The following CARS1 variants were observed in gnomAD, a reference collection of about 807,000 sequenced individuals.
CARS1 encodes cysteine--tRNA ligase, cytoplasmic.
Under a neutral mutation model 106.2 loss-of-function variants are expected in CARS1, and 48 were observed. The observed-to-expected ratio is 0.45, with a 90% CI of 0.36 to 0.57. CARS1 has a LOEUF of 0.57. Ranked by LOEUF, CARS1 falls within the 20% of genes least tolerant of loss-of-function variation. The probability of loss-of-function intolerance (pLI) is 0.00; values close to 1 mark genes in which losing one functional copy is unlikely to be tolerated. For synonymous variants in CARS1, 409 were observed against 403.4 expected (o/e 1.01, Z -0.17); for missense variants, 968 against 1,057.2 (o/e 0.92, Z 1.17).
intron 18 of CARS1, chr11:3,007,235 A>G (rs1454870274): frequency 1.6e-5 from 8 of 503,614 alleles, no homozygotes; most frequent in Non-Finnish European, 2.8e-5. Context: ...GCCAGGAGGA[A>G]GCATAGCACA....
At chr11:3,024,584 A>C (rs1408688979) in intron 10 of CARS1, among the ~76,000 whole-genome samples, 1 of 152,150 alleles carries the variant, frequency 6.6e-6, no homozygotes, top group Non-Finnish European at 1.5e-5. Context: ...AGTAGCTGGG[A>C]CTATAGGCAC....
In CARS1 at chr11:3,034,146, G is replaced by T. The variant is rs1853255920; in HGVS notation, c.801+3904C>A. Reference sequence around the variant, plus strand: ...CACAAACACATGCCAACATGTAACAGAGATGAATTCGTGTCTTAGTCTGTT... The same window carrying T: ...CACAAACACATGCCAACATGTAACATAGATGAATTCGTGTCTTAGTCTGTT... On this transcript the variant is annotated intron_variant, in intron 7 of 22. Transcript: ENST00000380525. This position sits in a 1 kb window ranked among gnomAD's most constrained non-coding sequence, Gnocchi z 6.3. Among the ~76,000 whole-genome samples, 1 of 152,116 alleles carries T rather than the reference G, an allele frequency of 6.6e-6. No individual in the cohort carries two copies. Among genetic ancestry groups the T allele is most frequent in the African/African-American group, 2.4e-5 (1 of 41,426 alleles).
intron 21 of CARS1, 152 bp downstream of exon 21, chr11:3,002,389 G>T: frequency 7.0e-7 from 1 of 1,423,290 alleles, no homozygotes; most frequent in Middle Eastern, 2.6e-4. Context: ...GGCCTGGCAG[G>T]CCTTGGGTGG....
intron 10 of CARS1, among the ~76,000 whole-genome samples, chr11:3,025,472 C>T (rs1043594596): frequency 2.6e-5 from 4 of 152,248 alleles, no homozygotes; most frequent in Admixed American, 1.3e-4. Context: ...AGGTGATCCA[C>T]CCACCTCGGC....
chr11:3,006,966 G>C lies in CARS1; in HGVS notation c.2069-7C>G, dbSNP rs114293463. 6.5e-4 allele frequency: 1,040 copies of C among 1,612,376 alleles called. 8 individuals carry two copies. In the African/African-American group the frequency reaches 0.013, roughly 20 times the overall value. On this transcript the variant is annotated splice_region_variant and splice_polypyrimidine_tract_variant and intron_variant, in intron 18 of 22. Transcript: ENST00000380525. ...AGCTGCAGAATCTCAGGGACTGTAG[G>C]AGAAGCAGAGCAGTTCCCTCAGACA...
Position 3,040,688 on chromosome 11 carries a change from T to C in CARS1, c.455+208A>G. On this transcript the variant is annotated intron_variant, in intron 4 of 22. Transcript: ENST00000380525. The surrounding 1 kb of genome is among the most constrained non-coding windows in gnomAD (Gnocchi z 5.8). ...ACATTTTCTTTTTGGTGATCTGTAG[T>C]CTTTCTGCAGTGAATATAGATTACT... 1 of 698,258 alleles carries C rather than the reference T, an allele frequency of 1.4e-6. No homozygotes were observed. 43.3% of individuals were successfully genotyped at this position (698,258 alleles called of 1,614,324 possible). A position where few individuals can be genotyped will look rare whatever the true frequency, so the allele number is the denominator to read the frequency against.
At chr11:3,007,462 G>A (rs1849998513) in intron 18 of CARS1, 1 of 154,764 alleles carries the variant, frequency 6.5e-6, no homozygotes, top group Non-Finnish European at 1.4e-5. Flanking sequence ...ACTGCGATGG[G>A]GGTCCTGACC....
intron 9 of CARS1, chr11:3,027,827 CG>C (rs1852259693): frequency 2.2e-6 from 1 of 454,648 alleles, no homozygotes. Context: ...CTAGCGGTAG[CG>C]TAAGTGTCAA....
At chr11:3,023,969 T>A (rs567289102) in intron 10 of CARS1, among the ~76,000 whole-genome samples, 2 of 152,338 alleles carry the variant, frequency 1.3e-5, no homozygotes, top group East Asian at 3.9e-4. Context: ...CTCAGCTCAC[T>A]GCAACCTCCG....
At chr11:3,013,788 G>A (rs1157204670) in intron 17 of CARS1, among the ~76,000 whole-genome samples, 1 of 152,160 alleles carries the variant, frequency 6.6e-6, no homozygotes, top group African/African-American at 2.4e-5. Flanking sequence ...GGGAGGCAGA[G>A]GGTGCAGTGA....
Position 3,036,721 on chromosome 11 carries a change from A to T in CARS1, c.801+1329T>A, listed in dbSNP as rs147163776. 1.5e-3 allele frequency among the ~76,000 whole-genome samples: 230 copies of T among 152,330 alleles called. 4 individuals carry two copies. The East Asian group carries it at 0.037, about 24-fold the overall frequency. The stretch of plus-strand genomic sequence containing the variant: ...CAGGAACCCAAACAGATATTTGTAC[A>T]CCCAGGTTTATAGCAGCATTACTTG... On this transcript the variant is annotated intron_variant, in intron 7 of 22. Coordinates refer to ENST00000380525, the MANE Select transcript of CARS1 (RefSeq NM_001014437.3).
rs1281379894 is a variant in CARS1, at chr11:3,052,426, A to G, written c.26-4425T>C. Among the ~76,000 whole-genome samples the G allele has an allele frequency of 6.6e-6, 1 of 152,338 alleles. No individual in the cohort carries two copies. Among genetic ancestry groups the G allele is most frequent in the Non-Finnish European group, 1.5e-5 (1 of 68,028 alleles). On this transcript the variant is annotated intron_variant, in intron 1 of 22. Transcript: ENST00000380525. The surrounding 1 kb of genome is among the most constrained non-coding windows in gnomAD (Gnocchi z 4.6). The stretch of plus-strand genomic sequence containing the variant: ...GCTCTGGTATTATTAATGTTATTGT[A>G]ATAGCCGCATGCTACACACAGAGAA...
In CARS1 at chr11:3,042,231, C is replaced by T; in HGVS notation, c.300G>A (p.Gln100=). 6.2e-7 allele frequency: 1 copy of T among 1,613,324 alleles called. No individual in the cohort carries two copies. Among genetic ancestry groups the T allele is most frequent in the Non-Finnish European group, 8.5e-7 (1 of 1,179,972 alleles). ...GCTGGGTCCCAGCAGGAGGGGACCA[C>T]TGGGGCTGCACACGCCGGCCTTTGC... is the stretch of plus-strand genomic sequence containing the variant. The part of the protein sequence containing the change: ...QASKGRRVQP[Q]WSPPAGTQPC... The change falls in exon 3 of 23, where the codon CAG becomes CAA. Residue 100 remains glutamine (Q), a synonymous_variant. Transcript: ENST00000380525.
rs1487097022 is a variant in CARS1 at position 3,015,829 on chromosome 11, C to A, written c.1938G>T (p.Glu646Asp). The change falls in exon 17 of 23, where the codon GAG (glutamate) becomes GAT (aspartate). Residue 646 changes from glutamate (E) to aspartate (D), a missense_variant. By Grantham distance (45) the Glu-to-Asp change is conservative (BLOSUM62 2). Transcript: ENST00000380525. Reference sequence around the variant, plus strand: ...CGACCGGGAATCCCAGGGAGCTGTCCTCTTCTACGGCCCCAAAGATCTAGG... The same window carrying A: ...CGACCGGGAATCCCAGGGAGCTGTCATCTTCTACGGCCCCAAAGATCTAGG... ...HMLKIFGAVE[E>D]DSSLGFPVGG... 4 of 1,614,146 alleles carry A rather than the reference C, an allele frequency of 2.5e-6. No individual in the cohort carries two copies. The highest frequency in any genetic ancestry group is 3.4e-6 in the Non-Finnish European group (4 of 1,180,012).
intron 1 of CARS1, 95 bp downstream of exon 1, chr11:3,057,248 C>T (rs1416442193): frequency 2.7e-6 from 3 of 1,107,288 alleles, no homozygotes; most frequent in Non-Finnish European, 2.7e-6. Context: ...CACCCGGGCC[C>T]CTCAGACATA....
rs895975403 is a variant in CARS1 at position 3,017,433 on chromosome 11, G to A, written c.1728-138C>T. 15 of 672,998 alleles carry A rather than the reference G, an allele frequency of 2.2e-5. No individual in the cohort carries two copies. Among genetic ancestry groups the A allele is most frequent in the African/African-American group, 7.2e-5 (4 of 55,636 alleles). The allele number at this position is 672,998 out of a possible 1,614,324, so 41.7% of individuals were successfully genotyped here. On this transcript the variant is annotated intron_variant, in intron 15 of 22. Transcript: ENST00000380525. This position sits in a 1 kb window ranked among gnomAD's most constrained non-coding sequence, Gnocchi z 4.9. ...TGAGGTGGGCGGATCACCTGAGGTC[G>A]GGAGTTCGAGACCAGCCTGACAAAC...
chr11:3,048,325 C>T lies in CARS1; in HGVS notation c.26-324G>A, dbSNP rs1356270283. The T allele has an allele frequency of 4.1e-6, 1 of 241,852 alleles. No homozygotes were observed. Among genetic ancestry groups the T allele is most frequent in the Admixed American group, 5.1e-5 (1 of 19,734 alleles). The allele number at this position is 241,852 out of a possible 1,614,324, so 15.0% of individuals were successfully genotyped here. On this transcript the variant is annotated intron_variant, in intron 1 of 22. Coordinates refer to ENST00000380525, the MANE Select transcript of CARS1 (RefSeq NM_001014437.3). This position sits in a 1 kb window ranked among gnomAD's most constrained non-coding sequence, Gnocchi z 5.1. ...TTTTCACTTTATGTCATATAAATTA[C>T]TTAGTTTTTACATTTTTAATTTATG... is the stretch of plus-strand genomic sequence containing the variant.
intron 20 of CARS1, among the ~76,000 whole-genome samples, 172 bp from the exon 21 acceptor site, chr11:3,002,772 C>T (rs936727877): frequency 2.6e-5 from 4 of 152,148 alleles, no homozygotes; most frequent in Admixed American, 6.5e-5. Flanking sequence ...GGGCAGCACA[C>T]CGACCCTCTT....
At position 3,039,602 on chromosome 11, in the gene CARS1, A is replaced by G. The variant is rs138668444; in HGVS notation, c.552+233T>C. ...GAGGCCTTCCTTCTGCAAAACACCC[A>G]GGGCTACCGACCCCTGAGCAACATG... On this transcript the variant is annotated intron_variant, in intron 5 of 22. Coordinates refer to ENST00000380525, the MANE Select transcript of CARS1 (RefSeq NM_001014437.3). This position sits in a 1 kb window ranked among gnomAD's most constrained non-coding sequence, Gnocchi z 5.6. 4.7e-3 allele frequency among the ~76,000 whole-genome samples: 716 copies of G among 152,302 alleles called. 27 individuals carry two copies. The highest frequency in any genetic ancestry group is 0.041 in the Admixed American group (623 of 15,298).
Sources: allele counts gnomAD v4.1 joint callset (sites outside exome capture counted in the v4.1 genomes callset), GRCh38; gene constraint gnomAD v4.1.1; non-coding constraint Gnocchi (gnomAD v3.1); transcripts MANE v1.5; gene names NCBI Gene and HGNC (gene_info 2026-07-23, HGNC 2026-07-21).